CRB1: variants seen among roughly 807,000 people sequenced by gnomAD.
The protein encoded by CRB1 is crumbs cell polarity complex component 1.
In CRB1, 83 loss-of-function variants were observed where a neutral mutation model predicts 120.0. The observed-to-expected ratio is 0.69, with a 90% CI of 0.58 to 0.83. CRB1 has a LOEUF of 0.83. CRB1 is among the 40% of genes least tolerant of loss of function. CRB1 has a pLI of 0.00. For synonymous variants in CRB1, 625 were observed against 612.5 expected (o/e 1.02, Z -0.30); for missense variants, 1,699 against 1,687.6 (o/e 1.01, Z -0.12).
the CRB1 span, among the ~76,000 whole-genome samples, chr1:197,244,867 A>G: frequency 6.7e-6 from 1 of 148,556 alleles, no homozygotes; most frequent in Non-Finnish European, 1.5e-5. Context: ...TTTTCCTTCT[A>G]TTTTCTTTAT....
At chr1:197,294,716 CTA>C (rs763835615) in intron 1 of CRB1, among the ~76,000 whole-genome samples, 8 of 152,144 alleles carry the variant, frequency 5.3e-5, no homozygotes, top group Non-Finnish European at 1.0e-4. Context: ...CCATGGAATA[CTA>C]TGCAGCCATA....
intron 4 of CRB1, among the ~76,000 whole-genome samples, chr1:197,348,767 C>T (rs925588634): frequency 2.0e-5 from 3 of 152,132 alleles, no homozygotes; most frequent in Non-Finnish European, 4.4e-5. Flanking sequence ...TAAGCCACTG[C>T]GCCTGGCCCA....
Position 197,427,860 on chromosome 1 carries a change from T to C in CRB1, c.2535T>C (p.Gly845=), listed in dbSNP as rs779464190. The C allele has an allele frequency of 3.1e-6, 5 of 1,614,014 alleles. No homozygotes were observed. The South Asian group carries it at 5.5e-5, about 18-fold the overall frequency. The change falls in exon 7 of 12, where the codon GGT becomes GGC. Residue 845 remains glycine (G), a synonymous_variant. Transcript: ENST00000367400. Reference sequence around the variant, plus strand: ...ACAAGCAAGAGACTGAACTTAATGGTGGATTCTTCAAAGGCTGTATCCAAG... The same window carrying C: ...ACAAGCAAGAGACTGAACTTAATGGCGGATTCTTCAAAGGCTGTATCCAAG... ...LPDKQETELN[G]GFFKGCIQDV...
chr1:197,347,456 A>G lies in CRB1; in HGVS notation c.965A>G (p.Asn322Ser), dbSNP rs576263609. 3.1e-6 allele frequency: 5 copies of G among 1,614,214 alleles called. No homozygotes were observed. In the South Asian group the frequency reaches 5.5e-5, roughly 18 times the overall value. ...GCTACATGTGAGGACAGTGTTGACA[A>G]TTACACTTGTCACTGCTGGCCTGGT... is the stretch of plus-strand genomic sequence containing the variant. ...NNATCEDSVDNYTCHCWPGYT... is the reference protein window; with the variant it reads ...NNATCEDSVDSYTCHCWPGYT... Residue 322 changes from asparagine to serine, a missense_variant, in exon 4 of 12, where the codon AAT (asparagine) becomes AGT (serine). By Grantham distance (46) the Asn-to-Ser change is conservative. Transcript: ENST00000367400.
chr1:197,471,142 C>T (rs536365381), intron 11 of CRB1, among the ~76,000 whole-genome samples: 34 of 152,176 alleles, frequency 2.2e-4, no homozygotes, highest in African/African-American at 7.2e-4. Flanking sequence ...AGAAGGTTCC[C>T]AGGAAGCGTC....
intron 5 of CRB1, among the ~76,000 whole-genome samples, chr1:197,404,122 T>G (rs1663207984): frequency 6.6e-6 from 1 of 152,218 alleles, no homozygotes; most frequent in South Asian, 2.1e-4. Context: ...AAGTTGTCAT[T>G]TCTCAAAGCA....
At chr1:197,410,520 A>G (rs1454344176) in intron 5 of CRB1, among the ~76,000 whole-genome samples, 1 of 152,230 alleles carries the variant, frequency 6.6e-6, no homozygotes, top group Non-Finnish European at 1.5e-5. Flanking sequence ...ACATTTGATA[A>G]GCACCTATGA....
At chr1:197,363,013 T>G (rs1473185340) in intron 5 of CRB1, among the ~76,000 whole-genome samples, 1 of 152,090 alleles carries the variant, frequency 6.6e-6, no homozygotes, top group Non-Finnish European at 1.5e-5. Context: ...CTGTATAGTG[T>G]TTTTAAATAT....
At chr1:197,296,388 C>T in intron 1 of CRB1, among the ~76,000 whole-genome samples, 1 of 151,942 alleles carries the variant, frequency 6.6e-6, no homozygotes, top group East Asian at 1.9e-4. Flanking sequence ...TTAAAAAGTG[C>T]CAAACTGTAC....
chr1:197,363,917 G>A, intron 5 of CRB1: 1 of 1,250,598 alleles, frequency 8.0e-7, no homozygotes, highest in Non-Finnish European at 1.2e-6. Context: ...ACTACGGATG[G>A]GCTCACTGAG....
At chr1:197,401,593 A>G (rs1663066402) in intron 5 of CRB1, among the ~76,000 whole-genome samples, 1 of 152,190 alleles carries the variant, frequency 6.6e-6, no homozygotes, top group Non-Finnish European at 1.5e-5. Flanking sequence ...CTGTTTTGCA[A>G]AATGATTTAG....
intron 2 of CRB1, 95 bp from the exon 3 acceptor site, chr1:197,344,186 C>T (rs1028640427): frequency 4.6e-5 from 54 of 1,185,030 alleles, no homozygotes; most frequent in Admixed American, 2.2e-4. Context: ...GAACATTTGA[C>T]AAGTGCTCTG....
intron 5 of CRB1, among the ~76,000 whole-genome samples, chr1:197,396,864 A>G (rs1026675103): frequency 6.6e-6 from 1 of 152,122 alleles, no homozygotes; most frequent in African/African-American, 2.4e-5. Context: ...GAACACAGAA[A>G]ATATCTGGGA....
chr1:197,220,861 C>T, the CRB1 span, among the ~76,000 whole-genome samples: 1 of 152,154 alleles, frequency 6.6e-6, no homozygotes, highest in Non-Finnish European at 1.5e-5. Flanking sequence ...CTTTGCCTTA[C>T]AATGTGATTG....
intron 5 of CRB1, among the ~76,000 whole-genome samples, chr1:197,400,500 G>A (rs1410975973): frequency 6.6e-6 from 1 of 150,408 alleles, no homozygotes; most frequent in Non-Finnish European, 1.5e-5. Context: ...TGATGATGAT[G>A]ATGTAATACA....
chr1:197,349,506 C>T (rs371276282), intron 4 of CRB1, among the ~76,000 whole-genome samples: 3 of 152,168 alleles, frequency 2.0e-5, no homozygotes, highest in East Asian at 3.9e-4. Flanking sequence ...TATAAGCTTA[C>T]TGATCATCTG....
rs754791981 is a variant in CRB1 at position 197,268,359 on chromosome 1, G to A, written c.-54G>A. On this transcript the variant is annotated 5_prime_UTR_variant, in exon 1 of 12. Transcript: ENST00000367400. ...CTGAGACAGACAGGGATCAGGAGCC[G>A]GACTGGGACCAGACCACCAGCAACA... 7.4e-6 allele frequency: 10 copies of A among 1,350,516 alleles called. No homozygotes were observed. The highest frequency in any genetic ancestry group is 6.7e-5 in the Admixed American group (4 of 59,606). The allele number at this position is 1,350,516 out of a possible 1,614,324, so 83.7% of individuals were successfully genotyped here.
intron 1 of CRB1, among the ~76,000 whole-genome samples, chr1:197,322,463 A>AAATAATAAT (rs527686372): frequency 2.7e-5 from 4 of 150,208 alleles, no homozygotes; most frequent in Non-Finnish European, 4.4e-5. Context: ...ACTCTGTCTC[A>AAATAATAAT]AATAATAATA....
At chr1:197,219,045 G>T in the CRB1 span, among the ~76,000 whole-genome samples, 1 of 152,138 alleles carries the variant, frequency 6.6e-6, no homozygotes, top group Non-Finnish European at 1.5e-5. Context: ...TACTATGGGA[G>T]CCCAAGTGAA....
Sources: gnomAD v4.1 joint callset for allele counts (sites outside exome capture counted in the v4.1 genomes callset) on GRCh38, gnomAD v4.1.1 for gene constraint, MANE v1.5 for transcripts, NCBI Gene and HGNC (gene_info 2026-07-23, HGNC 2026-07-21) for gene names.